The following NBAS variants were observed in gnomAD, a reference collection of about 807,000 sequenced individuals.
NBAS encodes the protein NBAS subunit of NRZ tethering complex, also known as NAG/BC035112 fusion.
In NBAS, 219 loss-of-function variants were observed where a neutral mutation model predicts 302.5. The observed-to-expected ratio is 0.72, with a 90% CI of 0.65 to 0.81. The LOEUF (loss-of-function observed/expected upper bound fraction) is 0.81, where lower values mean the gene tolerates loss of function less well. Among genes scored for constraint, NBAS ranks in the 30% least tolerant of loss-of-function variants. The pLI is 0.00. For missense variants in NBAS, 2,932 were observed against 2,841.6 expected (o/e 1.03, Z -0.72); for synonymous variants, 1,118 against 1,021.6 (o/e 1.09, Z -1.80).
chr2:14,914,055 G>A, the NBAS span, among the ~76,000 whole-genome samples: 4 of 152,162 alleles, frequency 2.6e-5, no homozygotes, highest in South Asian at 2.1e-4. Flanking sequence ...GGTAGCAGGC[G>A]AGACAGAATA....
chr2:15,463,105 T>TCAA (rs1312859276), intron 19 of NBAS, among the ~76,000 whole-genome samples: 30 of 152,016 alleles, frequency 2.0e-4, no homozygotes, highest in Admixed American at 2.0e-3. Flanking sequence ...AGATCTCACC[T>TCAA]CAACAACAAC....
chr2:15,226,484 T>C (rs1201742216), intron 47 of NBAS, among the ~76,000 whole-genome samples: 3 of 152,180 alleles, frequency 2.0e-5, no homozygotes, highest in Admixed American at 6.5e-5. Flanking sequence ...TAAATACACA[T>C]AAATAATAAG....
At chr2:15,131,520 A>G in the NBAS span, among the ~76,000 whole-genome samples, 1 of 152,234 alleles carries the variant, frequency 6.6e-6, no homozygotes, top group Non-Finnish European at 1.5e-5. Context: ...TAGGAGGTAT[A>G]TGAATGTTTT....
At chr2:15,352,810 T>C (rs1572704944) in intron 34 of NBAS, among the ~76,000 whole-genome samples, 1 of 152,144 alleles carries the variant, frequency 6.6e-6, no homozygotes, top group Admixed American at 6.5e-5. Context: ...TGAGATCTTA[T>C]CAGGAAGCTG....
At chr2:15,411,049 G>T (rs1278842484) in intron 25 of NBAS, among the ~76,000 whole-genome samples, 1 of 152,078 alleles carries the variant, frequency 6.6e-6, no homozygotes, top group East Asian at 1.9e-4. Context: ...TCCTCCTCCT[G>T]TTCTTTTGCT....
chr2:15,002,763 C>G, the NBAS span, among the ~76,000 whole-genome samples: 9 of 152,238 alleles, frequency 5.9e-5, no homozygotes, highest in African/African-American at 2.2e-4. Flanking sequence ...ACACCCTCCG[C>G]AGCTGCTGGG....
chr2:15,410,401 G>A (rs1055558508), intron 25 of NBAS, among the ~76,000 whole-genome samples: 1 of 152,068 alleles, frequency 6.6e-6, no homozygotes, highest in African/African-American at 2.4e-5. Context: ...ACTTCTCACA[G>A]GTTCAAGTAA....
the NBAS span, among the ~76,000 whole-genome samples, chr2:14,948,301 T>G: frequency 7.2e-5 from 11 of 152,114 alleles, no homozygotes; most frequent in Admixed American, 7.2e-4. Context: ...TCCTTAAATG[T>G]TTGGTAGAAG....
At chr2:15,211,260 AC>A (rs1329194662) in intron 48 of NBAS, among the ~76,000 whole-genome samples, 1 of 152,164 alleles carries the variant, frequency 6.6e-6, no homozygotes, top group African/African-American at 2.4e-5. Context: ...CCTACTATGT[AC>A]CCACAAAAAT....
intron 42 of NBAS, among the ~76,000 whole-genome samples, chr2:15,285,387 T>A (rs569397285): frequency 4.6e-5 from 7 of 152,314 alleles, no homozygotes; most frequent in African/African-American, 1.7e-4. Context: ...CTCCTGCTGC[T>A]CTTTCTGACC....
At chr2:15,462,261 T>C (rs955281003) in intron 19 of NBAS, among the ~76,000 whole-genome samples, 1 of 152,144 alleles carries the variant, frequency 6.6e-6, no homozygotes, top group African/African-American at 2.4e-5. Context: ...CTGTGATACA[T>C]TGAACAATAC....
At chr2:15,379,089 T>C (rs753526205) in intron 30 of NBAS, among the ~76,000 whole-genome samples, 1 of 151,998 alleles carries the variant, frequency 6.6e-6, no homozygotes, top group Non-Finnish European at 1.5e-5. Flanking sequence ...TGAGCTAAAA[T>C]AGGAGTACAA....
chr2:15,237,965 C>T (rs1252332871), intron 45 of NBAS, among the ~76,000 whole-genome samples: 6 of 151,898 alleles, frequency 4.0e-5, no homozygotes, highest in Non-Finnish European at 7.4e-5. Flanking sequence ...TTAGTAGAGA[C>T]GGGGTTTCAC....
chr2:15,070,661 C>A, the NBAS span, among the ~76,000 whole-genome samples: 1 of 152,180 alleles, frequency 6.6e-6, no homozygotes, highest in African/African-American at 2.4e-5. Context: ...GGGGCCTATT[C>A]CCTTCCATGG....
At chr2:14,846,535 T>C in the NBAS span, among the ~76,000 whole-genome samples, 1 of 139,456 alleles carries the variant, frequency 7.2e-6, no homozygotes, top group Non-Finnish European at 1.5e-5. Context: ...CTATATAATA[T>C]GATAAAACTG....
At chr2:14,950,082 G>A in the NBAS span, among the ~76,000 whole-genome samples, 2 of 152,126 alleles carry the variant, frequency 1.3e-5, no homozygotes, top group African/African-American at 4.8e-5. Context: ...GTTCTTTAGT[G>A]GTGATTTGTG....
chr2:15,467,826 T>C (rs1679790441), intron 17 of NBAS, 22 bp from the exon 18 acceptor site: 1 of 1,544,454 alleles, frequency 6.5e-7, no homozygotes, highest in South Asian at 1.1e-5. Context: ...AAAGAACAAA[T>C]ATATTTTCAT....
chr2:15,374,751 A>G (rs1178601032), intron 30 of NBAS, 31 bp from the exon 31 acceptor site: 2 of 1,561,152 alleles, frequency 1.3e-6, no homozygotes, highest in South Asian at 1.1e-5. Context: ...TTTTAAAAAG[A>G]AGCAACATAT....
Position 15,514,922 on chromosome 2 carries a change from C to T in NBAS, c.747-3572G>A, listed in dbSNP as rs181535117. 4.6e-5 allele frequency among the ~76,000 whole-genome samples: 7 copies of T among 152,210 alleles called. No individual in the cohort carries two copies. In the East Asian group the frequency reaches 1.2e-3, roughly 25 times the overall value. On this transcript the variant is annotated intron_variant, in intron 9 of 51. Coordinates refer to ENST00000281513, the MANE Select transcript of NBAS (RefSeq NM_015909.4). ...AACAAAAGGGATTCAGTATCTGTTC[C>T]CAGCCTTTCCTCCGTTCATGCCAGA...
Sources: allele counts gnomAD v4.1 joint callset (sites outside exome capture counted in the v4.1 genomes callset), GRCh38; gene constraint gnomAD v4.1.1; transcripts MANE v1.5; gene names NCBI Gene and HGNC (gene_info 2026-07-23, HGNC 2026-07-21).